The following ALDH18A1 variants were observed in gnomAD, a reference collection of about 807,000 sequenced individuals.
ALDH18A1 encodes the protein delta-1-pyrroline-5-carboxylate synthase.
In ALDH18A1, 44 loss-of-function variants were observed where a neutral mutation model predicts 88.8. That is an observed-to-expected ratio of 0.50 (90% CI 0.39 to 0.64). The LOEUF is 0.64. ALDH18A1 is among the 30% of genes least tolerant of loss of function. The pLI is 0.00. For missense variants in ALDH18A1, 782 were observed against 1,009.5 expected, an observed-to-expected ratio of 0.77 and a Z score of 3.05; for synonymous variants, 331 against 372.1, an observed-to-expected ratio of 0.89 and a Z score of 1.27.
Position 95,614,318 on chromosome 10 carries a change from T to C in ALDH18A1, c.1606-157A>G, listed in dbSNP as rs370552425. ...AAAAACAAAATTAAGTTCCCGATCATGGGAATCAAAAAGTTGTCCAGCAAA... is the reference window on the plus strand; with the variant it reads ...AAAAACAAAATTAAGTTCCCGATCACGGGAATCAAAAAGTTGTCCAGCAAA... On this transcript the variant is annotated intron_variant, in intron 13 of 17. Coordinates refer to ENST00000371224, the MANE Select transcript of ALDH18A1 (RefSeq NM_002860.4). Among the ~76,000 whole-genome samples, 11 of 152,216 alleles carry C rather than the reference T, an allele frequency of 7.2e-5. No individual in the cohort carries two copies. In the East Asian group the frequency reaches 1.3e-3, roughly 19 times the overall value.
intron 3 of ALDH18A1, 50 bp downstream of exon 3, chr10:95,642,942 G>A (rs993583982): frequency 8.9e-6 from 14 of 1,581,450 alleles, no homozygotes; most frequent in African/African-American, 5.4e-5. Flanking sequence ...CTGAACTAGC[G>A]ACTTAAAAAC....
At chr10:95,632,882 A>G in intron 7 of ALDH18A1, 77 bp downstream of exon 7, 1 of 1,282,720 alleles carries the variant, frequency 7.8e-7, no homozygotes, top group Non-Finnish European at 1.1e-6. Context: ...GACTCAAAGA[A>G]AGAGGGAAAC....
intron 12 of ALDH18A1, 89 bp downstream of exon 12, chr10:95,620,934 TAAAAAAAA>T: frequency 1.8e-6 from 2 of 1,095,542 alleles, no homozygotes. Context: ...GAACTTAAAT[TAAAAAAAA>T]AAAAAAAGAA....
chr10:95,606,646 C>T lies in ALDH18A1; in HGVS notation c.*116G>A, dbSNP rs2097823254. On this transcript the variant is annotated 3_prime_UTR_variant, in exon 18 of 18. Coordinates refer to ENST00000371224, the MANE Select transcript of ALDH18A1 (RefSeq NM_002860.4). ...CGGAGCCCAGAAGCATCCAGGTACA[C>T]TTTCCAACAGGCAGACCCTACCAGG... The T allele has an allele frequency of 6.2e-7, 1 of 1,607,468 alleles. No individual in the cohort carries two copies. Among genetic ancestry groups the T allele is most frequent in the Non-Finnish European group, 8.5e-7 (1 of 1,178,958 alleles).
chr10:95,612,236 C>T (rs1406305810), intron 15 of ALDH18A1, among the ~76,000 whole-genome samples: 1 of 152,194 alleles, frequency 6.6e-6, no homozygotes, highest in Non-Finnish European at 1.5e-5. Context: ...ACTGTGGCTA[C>T]TCATTTGATT....
intron 17 of ALDH18A1, among the ~76,000 whole-genome samples, chr10:95,609,104 G>T (rs1399945075): frequency 6.6e-6 from 1 of 152,080 alleles, no homozygotes; most frequent in African/African-American, 2.4e-5. Flanking sequence ...CCAACTCCCG[G>T]CCTCAGGTGA....
At chr10:95,610,639 T>A (rs544707295) in intron 16 of ALDH18A1, among the ~76,000 whole-genome samples, 48 of 152,254 alleles carry the variant, frequency 3.2e-4, no homozygotes, top group African/African-American at 1.1e-3. Context: ...TACAAAACTC[T>A]CTGTGTCTGG....
Position 95,627,496 on chromosome 10 carries a change from C to T in ALDH18A1, c.1024G>A (p.Asp342Asn), listed in dbSNP as rs768088959. ...CCAACTTTCTTCCCCTCCACAATGT[C>T]TGTGATGACGTGCCCAGACACCTTT... ...HPKVSGHVIT[D>N]IVEGKKVGTF... The change falls in exon 9 of 18, where the codon GAC (aspartate) becomes AAC (asparagine). Residue 342 changes from aspartate (D) to asparagine (N), a missense_variant. Around this residue, in one of 3 missense-constraint regions of ALDH18A1, gnomAD observed 556 missense variants for 654.5 expected, o/e 0.85. Coordinates refer to ENST00000371224, the MANE Select transcript of ALDH18A1 (RefSeq NM_002860.4). 1 of 1,614,158 alleles carries T rather than the reference C, an allele frequency of 6.2e-7. No homozygotes were observed. Among genetic ancestry groups the T allele is most frequent in the Non-Finnish European group, 8.5e-7 (1 of 1,179,980 alleles).
At chr10:95,613,152 T>C (rs1239489466) in intron 15 of ALDH18A1, among the ~76,000 whole-genome samples, 2 of 152,360 alleles carry the variant, frequency 1.3e-5, no homozygotes, top group East Asian at 1.9e-4. Flanking sequence ...AGGGCATCTA[T>C]TATATTTTCT....
chr10:95,621,203 T>G lies in ALDH18A1; in HGVS notation c.1295A>C (p.Lys432Thr). ...LLKRLSLSTS[K>T]LNSLAIGLRQ... Reference sequence around the variant, plus strand: ...CAGACCGATGGCCAGGCTGTTCAATTTGGATGTGGAGAGGCTTAAACGTTT... The same window carrying G: ...CAGACCGATGGCCAGGCTGTTCAATGTGGATGTGGAGAGGCTTAAACGTTT... The change falls in exon 12 of 18, where the codon AAA (lysine) becomes ACA (threonine). Residue 432 changes from lysine to threonine, a missense_variant. By Grantham distance (78) the Lys-to-Thr change is moderately conservative. Coordinates refer to ENST00000371224, the MANE Select transcript of ALDH18A1 (RefSeq NM_002860.4). The G allele has an allele frequency of 6.2e-7, 1 of 1,613,902 alleles. No homozygotes were observed. Among genetic ancestry groups the G allele is most frequent in the African/African-American group, 1.3e-5 (1 of 74,962 alleles).
Position 95,607,265 on chromosome 10 carries a change from C to T in ALDH18A1, c.2207-322G>A, listed in dbSNP as rs376358913. ...ATCTGAATTGCATACCATATTTTGA[C>T]ATTTGGGCATGTTTTGAGGGGTACG... On this transcript the variant is annotated intron_variant, in intron 17 of 17. Coordinates refer to ENST00000371224, the MANE Select transcript of ALDH18A1 (RefSeq NM_002860.4). 7.4e-4 allele frequency among the ~76,000 whole-genome samples: 112 copies of T among 152,308 alleles called. 1 individual carries two copies. The highest frequency in any genetic ancestry group is 6.8e-3 in the Middle Eastern group (2 of 294).
intron 2 of ALDH18A1, among the ~76,000 whole-genome samples, chr10:95,648,990 A>C (rs1022286843): frequency 6.6e-6 from 1 of 152,192 alleles, no homozygotes; most frequent in South Asian, 2.1e-4. Context: ...ACTCTACATT[A>C]ATAGGAAAGA....
In ALDH18A1 at chr10:95,643,091, C is replaced by G. The variant is rs768807587; in HGVS notation, c.204G>C (p.Lys68Asn). The G allele has an allele frequency of 8.7e-6, 14 of 1,614,244 alleles. No homozygotes were observed. The highest frequency in any genetic ancestry group is 1.2e-5 in the Non-Finnish European group (14 of 1,180,050). Residue 68 changes from lysine (K) to asparagine (N), a missense_variant, in exon 3 of 18, where the codon AAG becomes AAC. Around this residue, in one of 3 missense-constraint regions of ALDH18A1, gnomAD observed 94 missense variants for 99.5 expected, o/e 0.94. Coordinates refer to ENST00000371224, the MANE Select transcript of ALDH18A1 (RefSeq NM_002860.4). ...GCTTCACCACGATTCTCTTGGCATG[C>G]TTCAGCTCACTGCGGTGGGCGAAGG... ...GKSFAHRSEL[K>N]HAKRIVVKLG...
chr10:95,613,145 G>A (rs1186485132), intron 15 of ALDH18A1, among the ~76,000 whole-genome samples: 1 of 152,160 alleles, frequency 6.6e-6, no homozygotes, highest in Non-Finnish European at 1.5e-5. Flanking sequence ...TGCCTTGAGG[G>A]CATCTATTAT....
intron 13 of ALDH18A1, among the ~76,000 whole-genome samples, chr10:95,614,744 A>G (rs564132145): frequency 6.6e-6 from 1 of 152,242 alleles, no homozygotes; most frequent in East Asian, 1.9e-4. Context: ...TTTTCTCTTG[A>G]TTTTTAATTT....
chr10:95,656,141 C>G (rs933852929), intron 1 of ALDH18A1, among the ~76,000 whole-genome samples: 2 of 152,158 alleles, frequency 1.3e-5, no homozygotes, highest in Admixed American at 6.5e-5. Context: ...ACCCAGGCCC[C>G]TGAGAGTCAG....
At chr10:95,649,283 AGGT>A (rs1404468925) in intron 2 of ALDH18A1, among the ~76,000 whole-genome samples, 1 of 152,072 alleles carries the variant, frequency 6.6e-6, no homozygotes, top group East Asian at 1.9e-4. Flanking sequence ...TGGGAGGTCA[AGGT>A]GGGAGGATCT....
chr10:95,629,455 T>C (rs948723819), intron 7 of ALDH18A1, among the ~76,000 whole-genome samples: 1 of 152,190 alleles, frequency 6.6e-6, no homozygotes, highest in Non-Finnish European at 1.5e-5. Flanking sequence ...ATGCCCATTG[T>C]AGAGCAAAGC....
chr10:95,632,590 C>T (rs1336434524), intron 7 of ALDH18A1, among the ~76,000 whole-genome samples: 1 of 152,170 alleles, frequency 6.6e-6, no homozygotes, highest in Admixed American at 6.5e-5. Context: ...TCTTGAATTC[C>T]TGGGCTCAAG....
Sources: gnomAD v4.1 joint callset for allele counts (sites outside exome capture counted in the v4.1 genomes callset) on GRCh38, gnomAD v4.1.1 for gene constraint, gnomAD v4.1.1 regional missense constraint, MANE v1.5 for transcripts, NCBI Gene and HGNC (gene_info 2026-07-23, HGNC 2026-07-21) for gene names.